Variants in DCST1 observed in about 807,000 individuals in gnomAD.
DCST1 encodes DC-STAMP domain containing 1, also known as E3 ubiquitin-protein ligase DCST1.
Under a neutral mutation model 89.1 loss-of-function variants are expected in DCST1, and 78 were observed. The observed-to-expected ratio is 0.88, with a 90% CI of 0.73 to 1.06. The LOEUF (loss-of-function observed/expected upper bound fraction) is 1.06, where lower values mean the gene tolerates loss of function less well. Ranked by LOEUF, DCST1 falls within the 50% of genes least tolerant of loss-of-function variation. The pLI is 0.00. For synonymous variants in DCST1, 364 were observed against 371.9 expected, an observed-to-expected ratio of 0.98 and a Z score of 0.24; for missense variants, 900 against 928.6, an observed-to-expected ratio of 0.97 and a Z score of 0.40.
chr1:155,044,480 C>CAAAAAA (rs57888793), intron 10 of DCST1, among the ~76,000 whole-genome samples: 2 of 63,172 alleles, frequency 3.2e-5, no homozygotes, highest in East Asian at 4.4e-4. Flanking sequence ...GAGCTTGTCT[C>CAAAAAA]AAAAAAAAAA....
At chr1:155,046,825 C>T (rs1322919538) in intron 13 of DCST1, among the ~76,000 whole-genome samples, 1 of 151,972 alleles carries the variant, frequency 6.6e-6, no homozygotes, top group Non-Finnish European at 1.5e-5. Flanking sequence ...AGGCTGGTCT[C>T]GAACTCCTGA....
At position 155,041,723 on chromosome 1, in the gene DCST1, A is replaced by G; in HGVS notation, c.758A>G (p.Asn253Ser). ...KTKLRCSYVV[N>S]QAILSCRRWF... ...TTGCTCCTTCCTACAGATGTGGTGA[A>G]CCAGGCCATACTCAGCTGCCGTCGT... Residue 253 changes from asparagine to serine, a missense_variant, in exon 8 of 17, where the codon AAC (asparagine) becomes AGC (serine). Coordinates refer to ENST00000295542, the MANE Select transcript of DCST1 (RefSeq NM_152494.4). The G allele has an allele frequency of 1.9e-6, 3 of 1,614,198 alleles. No homozygotes were observed. The South Asian group carries it at 3.3e-5, about 18-fold the overall frequency.
chr1:155,048,089 T>C lies in DCST1; in HGVS notation c.1788T>C (p.Asn596=). 1.9e-6 allele frequency: 3 copies of C among 1,613,910 alleles called. No individual in the cohort carries two copies. The highest frequency in any genetic ancestry group is 2.5e-6 in the Non-Finnish European group (3 of 1,179,978). The part of the protein sequence containing the change: ...REKKRILFLY[N]DLLKKRAAFT... ...AGAAGCGGATCCTGTTCCTCTACAA[T>C]GACCTATTGAAGAAAAGAGCAGCCT... Residue 596 remains asparagine (N), a synonymous_variant, in exon 16 of 17, where the codon AAT becomes AAC. Coordinates refer to ENST00000295542, the MANE Select transcript of DCST1 (RefSeq NM_152494.4).
rs1660914984 is a variant in DCST1, at chr1:155,050,766, C to A, written c.2019C>A (p.Cys673Ter). 6.2e-7 allele frequency: 1 copy of A among 1,611,682 alleles called. No individual in the cohort carries two copies. Among genetic ancestry groups the A allele is most frequent in the Non-Finnish European group, 8.5e-7 (1 of 1,179,112 alleles). ...LDCEAVYCWS[C>*]WDDMRQRCPV... ...GCGAGGCCGTGTACTGCTGGTCGTG[C>A]TGGGACGACATGCGGCAGCGGTGCC... Residue 673 changes from cysteine (C) to a stop codon, truncating the protein, a stop_gained, in exon 17 of 17, where the codon TGC becomes TGA. Coordinates refer to ENST00000295542, the MANE Select transcript of DCST1 (RefSeq NM_152494.4). LOFTEE classifies it high-confidence loss of function.
chr1:155,039,270 C>T (rs1487201814), intron 4 of DCST1, 133 bp from the exon 5 acceptor site: 27 of 1,083,330 alleles, frequency 2.5e-5, no homozygotes, highest in African/African-American at 3.2e-5. Context: ...CTATCAGAGT[C>T]AGTGTAAATG....
chr1:155,036,047 CAAAAAA>C (rs11445380), intron 4 of DCST1, among the ~76,000 whole-genome samples: 3 of 71,244 alleles, frequency 4.2e-5, no homozygotes, highest in South Asian at 5.4e-4. Context: ...AACTCTGTCT[CAAAAAA>C]AAAAAAAAAA....
intron 16 of DCST1, chr1:155,049,237 GTTGTT>G: frequency 8.6e-6 from 5 of 580,252 alleles, no homozygotes; most frequent in South Asian, 4.7e-5. Flanking sequence ...ACTCCATCTG[GTTGTT>G]TTAAGGATTA....
chr1:155,050,513 C>T (rs1274736835), intron 16 of DCST1, 104 bp from the exon 17 acceptor site: 10 of 1,418,440 alleles, frequency 7.1e-6, no homozygotes, highest in Non-Finnish European at 9.3e-6. Context: ...TCCTCCAACA[C>T]GCGGGAATTG....
Position 155,046,157 on chromosome 1 carries a change from T to A in DCST1, c.1305T>A (p.Ala435=). Residue 435 remains alanine, a synonymous_variant, in exon 12 of 17, where the codon GCT becomes GCA. Coordinates refer to ENST00000295542, the MANE Select transcript of DCST1 (RefSeq NM_152494.4). ...GKRTLLPLRK[A]EEKTVIFPCK... is the part of the protein sequence containing the mutation. ...GGACTCTGCTGCCACTCCGCAAAGC[T>A]GAGGAGAAAACCGTCATCTTCCCTT... is the stretch of plus-strand genomic sequence containing the variant. 6.2e-7 allele frequency: 1 copy of A among 1,614,152 alleles called. No individual in the cohort carries two copies. The highest frequency in any genetic ancestry group is 8.5e-7 in the Non-Finnish European group (1 of 1,180,026).
Position 155,050,852 on chromosome 1 carries a change from C to T in DCST1, c.2105C>T (p.Thr702Ile). Residue 702 changes from threonine to isoleucine, a missense_variant, in exon 17 of 17, where the codon ACT becomes ATT. Coordinates refer to ENST00000295542, the MANE Select transcript of DCST1 (RefSeq NM_152494.4). The part of the protein sequence containing the change: ...SSAFSDSNDD[T>I]AYAG Reference sequence around the variant, plus strand: ...GCCTTTAGTGACAGCAACGACGACACTGCCTACGCGGGGTGAAGAGGCGTC... The same window carrying T: ...GCCTTTAGTGACAGCAACGACGACATTGCCTACGCGGGGTGAAGAGGCGTC... The T allele has an allele frequency of 6.2e-7, 1 of 1,611,610 alleles. No individual in the cohort carries two copies. The highest frequency in any genetic ancestry group is 1.7e-5 in the Admixed American group (1 of 59,990).
intron 4 of DCST1, among the ~76,000 whole-genome samples, chr1:155,035,917 C>T (rs566689565): frequency 4.0e-5 from 6 of 151,852 alleles, no homozygotes; most frequent in African/African-American, 1.2e-4. Context: ...GTGACAAGAG[C>T]GAAAGGCCAT....
At position 155,042,862 on chromosome 1, in the gene DCST1, A is replaced by C; in HGVS notation, c.1014+6A>C. 1.2e-6 allele frequency: 2 copies of C among 1,613,974 alleles called. No individual in the cohort carries two copies. Among genetic ancestry groups the C allele is most frequent in the Non-Finnish European group, 1.7e-6 (2 of 1,179,922 alleles). ...CAGCCAATATTGACTTCAAGGTAGAAGGCAAGGGCGAGGGTTGGTGGGGGG... is the reference window on the plus strand; with the variant it reads ...CAGCCAATATTGACTTCAAGGTAGACGGCAAGGGCGAGGGTTGGTGGGGGG... On this transcript the variant is annotated splice_donor_region_variant and intron_variant, in intron 9 of 16. Transcript: ENST00000295542.
chr1:155,038,045 A>G (rs1660325699), intron 4 of DCST1, among the ~76,000 whole-genome samples: 2 of 152,252 alleles, frequency 1.3e-5, no homozygotes, highest in Non-Finnish European at 2.9e-5. Context: ...AGCAAGGAAG[A>G]AGGCACAAAA....
At chr1:155,038,876 G>T (rs1394688393) in intron 4 of DCST1, among the ~76,000 whole-genome samples, 1 of 152,214 alleles carries the variant, frequency 6.6e-6, no homozygotes, top group Admixed American at 6.5e-5. Context: ...TCCTTGCAGA[G>T]ACCACAGGGA....
intron 15 of DCST1, 45 bp from the exon 16 acceptor site, chr1:155,048,012 T>G (rs950297443): frequency 1.1e-5 from 18 of 1,613,022 alleles, no homozygotes; most frequent in Non-Finnish European, 1.5e-5. Context: ...AACTCCATAT[T>G]TGGGGGATGC....
At chr1:155,049,778 A>T (rs1660818402) in intron 16 of DCST1, among the ~76,000 whole-genome samples, 2 of 152,186 alleles carry the variant, frequency 1.3e-5, no homozygotes, top group African/African-American at 4.8e-5. Flanking sequence ...ATGTGTTGTG[A>T]AAAAATGAAA....
chr1:155,039,474 C>T lies in DCST1; in HGVS notation c.334C>T (p.Leu112=). Residue 112 remains leucine (L), a synonymous_variant, in exon 5 of 17, where the codon CTG becomes TTG. Coordinates refer to ENST00000295542, the MANE Select transcript of DCST1 (RefSeq NM_152494.4). ...CAGCCTCCTACTAGTACCCAAGATG[C>T]TGGGCAAGGAAGGCAGGCTCTTTGT... ...CASLLLVPKM[L]GKEGRLFVLG... The T allele has an allele frequency of 6.2e-7, 1 of 1,602,044 alleles. No homozygotes were observed. Among genetic ancestry groups the T allele is most frequent in the Non-Finnish European group, 8.5e-7 (1 of 1,174,094 alleles).
At chr1:155,034,793 C>T in intron 4 of DCST1, 66 bp downstream of exon 4, 1 of 1,558,726 alleles carries the variant, frequency 6.4e-7, no homozygotes, top group Non-Finnish European at 8.8e-7. Flanking sequence ...TCCTGCATGC[C>T]CAGGAAGGAG....
chr1:155,047,068 AG>A (rs1429541599), intron 13 of DCST1, 127 bp from the exon 14 acceptor site: 6 of 811,184 alleles, frequency 7.4e-6, no homozygotes, highest in Non-Finnish European at 1.3e-5. Flanking sequence ...GGATTCAGGA[AG>A]GGACAGAAAG....
Sources: gnomAD v4.1 joint callset for allele counts (sites outside exome capture counted in the v4.1 genomes callset) on GRCh38, gnomAD v4.1.1 for gene constraint, MANE v1.5 for transcripts, NCBI Gene and HGNC (gene_info 2026-07-23, HGNC 2026-07-21) for gene names.